Variants in GRM5 observed in about 807,000 individuals in gnomAD.
GRM5 encodes the protein glutamate metabotropic receptor 5.
Under a neutral mutation model 83.1 loss-of-function variants are expected in GRM5, and 19 were observed. The observed-to-expected ratio is 0.23, with a 90% CI of 0.16 to 0.34. GRM5 has a LOEUF of 0.34. Ranked by LOEUF, GRM5 falls within the 10% of genes least tolerant of loss-of-function variation. GRM5 has a pLI of 1.00. For synonymous variants in GRM5, 675 were observed against 633.6 expected (o/e 1.07, Z -0.98); for missense variants, 1,160 against 1,588.3 (o/e 0.73, Z 4.58).
chr11:88,811,700 C>T (rs1943591013), intron 3 of GRM5, among the ~76,000 whole-genome samples: 1 of 152,052 alleles, frequency 6.6e-6, no homozygotes, highest in South Asian at 2.1e-4. Flanking sequence ...AGTAATGATA[C>T]AAAATTATGT....
chr11:88,770,489 T>C (rs1942712028), intron 3 of GRM5, among the ~76,000 whole-genome samples: 1 of 152,146 alleles, frequency 6.6e-6, no homozygotes, highest in Admixed American at 6.6e-5. Flanking sequence ...TTTTAGTGAA[T>C]CTAAAACTTC....
intron 4 of GRM5, among the ~76,000 whole-genome samples, chr11:88,615,317 C>A (rs537717916): frequency 6.6e-6 from 1 of 151,960 alleles, no homozygotes; most frequent in Non-Finnish European, 1.5e-5. Flanking sequence ...CAGAAGAGAA[C>A]AAATAGAAGT....
At chr11:89,008,260 A>G (rs1216085930) in intron 2 of GRM5, among the ~76,000 whole-genome samples, 1 of 152,152 alleles carries the variant, frequency 6.6e-6, no homozygotes, top group African/African-American at 2.4e-5. Flanking sequence ...TACTTAAACC[A>G]TTTACTTTAC....
chr11:88,700,804 A>T (rs1941015506), intron 3 of GRM5, among the ~76,000 whole-genome samples: 1 of 152,282 alleles, frequency 6.6e-6, no homozygotes, highest in East Asian at 1.9e-4. Context: ...ACACATATAC[A>T]GCAATGGGAC....
chr11:89,062,821 C>T (rs1393702260), intron 1 of GRM5, among the ~76,000 whole-genome samples: 3 of 152,268 alleles, frequency 2.0e-5, no homozygotes, highest in Non-Finnish European at 4.4e-5. Context: ...TCCGCACTCA[C>T]GGGCCTGCCC....
chr11:88,916,062 G>A (rs1349258657), intron 2 of GRM5, among the ~76,000 whole-genome samples: 1 of 152,094 alleles, frequency 6.6e-6, no homozygotes, highest in African/African-American at 2.4e-5. Context: ...TAATGGCTGT[G>A]CCATTTATTC....
At chr11:88,868,466 A>C (rs1944708568) in intron 2 of GRM5, among the ~76,000 whole-genome samples, 1 of 151,776 alleles carries the variant, frequency 6.6e-6, no homozygotes. Context: ...ACATATAAAT[A>C]AGGCTAGAGT....
intron 2 of GRM5, among the ~76,000 whole-genome samples, chr11:88,876,645 G>C (rs1350558585): frequency 6.6e-6 from 1 of 151,992 alleles, no homozygotes; most frequent in Non-Finnish European, 1.5e-5. Context: ...CTTTCTTCCA[G>C]TTGAAAATTT....
intron 2 of GRM5, among the ~76,000 whole-genome samples, chr11:89,026,417 T>C (rs1055496179): frequency 6.6e-6 from 1 of 152,208 alleles, no homozygotes; most frequent in Admixed American, 6.5e-5. Context: ...GGGTTTCATA[T>C]AGACACTTTA....
intron 2 of GRM5, among the ~76,000 whole-genome samples, chr11:88,992,706 T>G (rs1368455940): frequency 1.3e-5 from 2 of 151,924 alleles, no homozygotes; most frequent in Non-Finnish European, 2.9e-5. Context: ...GATGAGTTCA[T>G]GTCCTTTGTA....
intron 7 of GRM5, among the ~76,000 whole-genome samples, chr11:88,586,170 C>T (rs1943311401): frequency 6.6e-6 from 1 of 151,850 alleles, no homozygotes; most frequent in African/African-American, 2.4e-5. Flanking sequence ...ACCTGTAATC[C>T]TACCACCTGT....
At chr11:88,931,619 C>T (rs535343653) in intron 2 of GRM5, among the ~76,000 whole-genome samples, 2 of 152,180 alleles carry the variant, frequency 1.3e-5, no homozygotes, top group Admixed American at 1.3e-4. Context: ...GAATTTCTAG[C>T]CCCACACAGG....
In GRM5 at chr11:88,509,219, G is replaced by C. The variant is rs1941284711; in HGVS notation, c.3012C>G (p.Ala1004=). 2 of 1,530,974 alleles carry C rather than the reference G, an allele frequency of 1.3e-6. No individual in the cohort carries two copies. The highest frequency in any genetic ancestry group is 1.8e-6 in the Non-Finnish European group (2 of 1,141,192). The allele number at this position is 1,530,974 out of a possible 1,614,324, so 94.8% of individuals were successfully genotyped here. Residue 1004 remains alanine (A), a synonymous_variant, in exon 10 of 10, where the codon GCC becomes GCG. Coordinates refer to ENST00000305447, the MANE Select transcript of GRM5 (RefSeq NM_001143831.3). Reference sequence around the variant, plus strand: ...GCGCCGGGAAGTGCTCCTCAGCCTCGGCCACATCATACAGCGCCTTGGGGC... The same window carrying C: ...GCGCCGGGAAGTGCTCCTCAGCCTCCGCCACATCATACAGCGCCTTGGGGC... The part of the protein sequence containing the change: ...DAGPKALYDV[A]EAEEHFPAPA...
At chr11:88,920,430 C>CAAA (rs1245962694) in intron 2 of GRM5, among the ~76,000 whole-genome samples, 18 of 10,676 alleles carry the variant, frequency 1.7e-3, no homozygotes, top group African/African-American at 2.3e-3. Flanking sequence ...AAAAAAAAAC[C>CAAA]AAAAAAAAAA....
At chr11:88,952,919 A>G (rs1489897998) in intron 2 of GRM5, among the ~76,000 whole-genome samples, 1 of 152,204 alleles carries the variant, frequency 6.6e-6, no homozygotes. Context: ...AGACAGTAAG[A>G]AAAATAAAAA....
intron 2 of GRM5, among the ~76,000 whole-genome samples, chr11:88,978,885 A>G (rs1040523340): frequency 6.6e-6 from 1 of 152,200 alleles, no homozygotes; most frequent in Non-Finnish European, 1.5e-5. Flanking sequence ...GGAAGAGCCG[A>G]GATTGAACGC....
chr11:88,602,283 A>G (rs145023762), intron 5 of GRM5, among the ~76,000 whole-genome samples: 90 of 152,310 alleles, frequency 5.9e-4, no homozygotes, highest in African/African-American at 2.0e-3. Flanking sequence ...ATGATTGTTT[A>G]GGCTTTTGTA....
At chr11:88,645,397 T>C (rs1939417498) in intron 4 of GRM5, among the ~76,000 whole-genome samples, 2 of 152,108 alleles carry the variant, frequency 1.3e-5, no homozygotes, top group Admixed American at 1.3e-4. Flanking sequence ...GAAGTGGACT[T>C]TTCACTGAGC....
chr11:89,013,953 GT>G (rs1255602397), intron 2 of GRM5, among the ~76,000 whole-genome samples: 1 of 152,102 alleles, frequency 6.6e-6, no homozygotes, highest in Non-Finnish European at 1.5e-5. Context: ...AGTACATTAC[GT>G]TTGAAAAGTA....
Sources: gnomAD v4.1 joint callset for allele counts (sites outside exome capture counted in the v4.1 genomes callset) on GRCh38, gnomAD v4.1.1 for gene constraint, MANE v1.5 for transcripts, NCBI Gene and HGNC (gene_info 2026-07-23, HGNC 2026-07-21) for gene names.